Variants in ZNF16 observed in about 807,000 individuals in gnomAD.
The protein encoded by ZNF16 is zinc finger protein 16, also known as zinc finger protein KOX9.
Under a neutral mutation model 9.0 loss-of-function variants are expected in ZNF16, and 7 were observed. That is an observed-to-expected ratio of 0.78 (90% CI 0.44 to 1.47). ZNF16 has a LOEUF of 1.47. Ranked by LOEUF, ZNF16 falls within the 40% of genes most tolerant of loss-of-function variation. ZNF16 has a pLI of 0.01. For missense variants in ZNF16, 830 were observed against 854.2 expected (o/e 0.97, Z 0.35); for synonymous variants, 312 against 301.5 (o/e 1.03, Z -0.36).
At chr8:144,941,445 T>C (rs535935181) in intron 2 of ZNF16, among the ~76,000 whole-genome samples, 108 of 152,214 alleles carry the variant, frequency 7.1e-4, no homozygotes, top group Non-Finnish European at 1.2e-3. Context: ...TAAAGCCTCT[T>C]GTGGCATATA....
intron 1 of ZNF16, chr8:144,948,158 G>A (rs1834008810): frequency 6.6e-6 from 1 of 152,326 alleles, no homozygotes; most frequent in Non-Finnish European, 1.5e-5. Context: ...TCACCATCAA[G>A]GAGAAGGCAA....
Position 144,931,725 on chromosome 8 carries a change from A to G in ZNF16, c.1062T>C (p.Cys354=). The part of the protein sequence containing the change: ...SGEKPYVCSE[C]GKAFRRSSNL... ...TTGAGCTTCGCCTGAAGGCCTTCCCACACTCACTGCACACATACGGTTTCT... is the reference window on the plus strand; with the variant it reads ...TTGAGCTTCGCCTGAAGGCCTTCCCGCACTCACTGCACACATACGGTTTCT... The change falls in exon 3 of 3, where the codon TGT becomes TGC. Residue 354 remains cysteine, a synonymous_variant. Transcript: ENST00000394909. 1 of 1,614,082 alleles carries G rather than the reference A, an allele frequency of 6.2e-7. No individual in the cohort carries two copies. The highest frequency in any genetic ancestry group is 8.5e-7 in the Non-Finnish European group (1 of 1,179,958).
chr8:144,942,938 G>A (rs994395990), intron 2 of ZNF16, among the ~76,000 whole-genome samples: 1 of 152,108 alleles, frequency 6.6e-6, no homozygotes, highest in Non-Finnish European at 1.5e-5. Flanking sequence ...TTTTACTGGA[G>A]GTCTTTATTT....
Position 144,932,322 on chromosome 8 carries a change from A to G in ZNF16, c.465T>C (p.Cys155=). ...RGPLGEKDLD[C]NGFDSRFSLS... is the part of the protein sequence containing the mutation. ...GACTGAAGCGACTGTCAAAACCATT[A>G]CAGTCCAGATCTTTCTCCCCTAAGG... The change falls in exon 3 of 3, where the codon TGT becomes TGC. Residue 155 remains cysteine, a synonymous_variant. Coordinates refer to ENST00000394909, the MANE Select transcript of ZNF16 (RefSeq NM_006958.3). This position sits in a 1 kb window ranked among gnomAD's most constrained non-coding sequence, Gnocchi z 5.0. 6.2e-7 allele frequency: 1 copy of G among 1,614,138 alleles called. No homozygotes were observed. The highest frequency in any genetic ancestry group is 8.5e-7 in the Non-Finnish European group (1 of 1,180,038).
At chr8:144,934,503 C>G (rs1165421952) in intron 2 of ZNF16, among the ~76,000 whole-genome samples, 1 of 152,260 alleles carries the variant, frequency 6.6e-6, no homozygotes, top group African/African-American at 2.4e-5. Flanking sequence ...AGCCCCAGCC[C>G]TGGCTCCAGA....
intron 1 of ZNF16, 34 bp from the exon 2 acceptor site, chr8:144,946,249 G>A (rs1356623347): frequency 3.1e-5 from 45 of 1,472,766 alleles, no homozygotes; most frequent in Non-Finnish European, 4.0e-5. Context: ...TGAGTCTACA[G>A]ACAGGCTAGC....
chr8:144,931,572 A>G lies in ZNF16; in HGVS notation c.1215T>C (p.Tyr405=), dbSNP rs1481729495. ...AGGGCTTGCCACAATCATTACACTC[A>G]TAAGGCTTCTCTCCAGTGTGGACCC... ...HQRVHTGEKP[Y]ECNDCGKPFS... is the part of the protein sequence containing the mutation. Residue 405 remains tyrosine, a synonymous_variant, in exon 3 of 3, where the codon TAT becomes TAC. Coordinates refer to ENST00000394909, the MANE Select transcript of ZNF16 (RefSeq NM_006958.3). 3 of 1,613,924 alleles carry G rather than the reference A, an allele frequency of 1.9e-6. No homozygotes were observed. The highest frequency in any genetic ancestry group is 4.5e-5 in the East Asian group (2 of 44,842).
intron 1 of ZNF16, chr8:144,948,343 C>T (rs1834013428): frequency 6.6e-6 from 1 of 152,170 alleles, no homozygotes; most frequent in Non-Finnish European, 1.5e-5. Context: ...AGATTCAAAG[C>T]AGGTACAGCA....
rs1586958075 is a variant in ZNF16, at chr8:144,944,589, CCAA to C, written c.196+1419_196+1421del. On this transcript the variant is annotated intron_variant, in intron 2 of 2. Transcript: ENST00000394909. ...ATTTGAAGTTTTTGTCTACTTAAGT[CCAA>C]TGTCTGTGCTTTCTCCAGGACACTT... 5 of 152,368 alleles carry C rather than the reference CCAA, an allele frequency of 3.3e-5. No individual in the cohort carries two copies. The East Asian group carries it at 9.6e-4, about 29-fold the overall frequency. 9.4% of individuals were successfully genotyped at this position (152,368 alleles called of 1,614,324 possible).
intron 2 of ZNF16, among the ~76,000 whole-genome samples, chr8:144,935,243 C>A (rs1236486900): frequency 6.6e-6 from 1 of 151,958 alleles, no homozygotes; most frequent in Non-Finnish European, 1.5e-5. Context: ...GCTCTTATAG[C>A]CCAGGCTCGA....
chr8:144,932,118 G>T lies in ZNF16; in HGVS notation c.669C>A (p.Asp223Glu). The T allele has an allele frequency of 1.2e-6, 2 of 1,614,150 alleles. No homozygotes were observed. Among genetic ancestry groups the T allele is most frequent in the Non-Finnish European group, 1.7e-6 (2 of 1,180,028 alleles). The change falls in exon 3 of 3, where the codon GAC becomes GAA. Residue 223 changes from aspartate (D) to glutamate (E), a missense_variant. By Grantham distance (45) the Asp-to-Glu change is conservative. Transcript: ENST00000394909. This position sits in a 1 kb window ranked among gnomAD's most constrained non-coding sequence, Gnocchi z 5.0. ...TGTGGACTATTTGACGCTGAATAAGGTCAGGATTTCCTTGGAAGGTTTTCC... is the reference window on the plus strand; with the variant it reads ...TGTGGACTATTTGACGCTGAATAAGTTCAGGATTTCCTTGGAAGGTTTTCC... ...ECGKTFQGNP[D>E]LIQRQIVHTG...
intron 1 of ZNF16, among the ~76,000 whole-genome samples, chr8:144,947,493 G>C (rs1316476030): frequency 1.3e-5 from 2 of 152,176 alleles, no homozygotes; most frequent in Admixed American, 6.5e-5. Flanking sequence ...TGGGAGAACA[G>C]CAGCTCCAAA....
chr8:144,943,166 A>G (rs1833844610), intron 2 of ZNF16, among the ~76,000 whole-genome samples: 1 of 152,214 alleles, frequency 6.6e-6, no homozygotes, highest in Non-Finnish European at 1.5e-5. Context: ...AGTTTAACTA[A>G]GCCGTCCCAC....
chr8:144,946,540 G>GTGTCCTGCTGTGGGCC (rs2130054453), intron 1 of ZNF16, among the ~76,000 whole-genome samples: 1 of 125,570 alleles, frequency 8.0e-6, no homozygotes, highest in African/African-American at 3.0e-5. Context: ...TGTGGGGCCT[G>GTGTCCTGCTGTGGGCC]TGTACTGCTG....
chr8:144,946,514 A>AG (rs1418870306), intron 1 of ZNF16, among the ~76,000 whole-genome samples: 21 of 148,916 alleles, frequency 1.4e-4, no homozygotes, highest in African/African-American at 4.8e-4. Context: ...CAGCCCCCAC[A>AG]GGGTCTGTGT....
intron 1 of ZNF16, among the ~76,000 whole-genome samples, chr8:144,947,131 G>T (rs189301726): frequency 2.4e-5 from 3 of 127,120 alleles, no homozygotes; most frequent in East Asian, 2.3e-4. Flanking sequence ...CCTGTACCCT[G>T]CTGTGGGCCA....
Position 144,932,201 on chromosome 8 carries a change from GGT to G in ZNF16, c.584_585del (p.Asp195AlafsTer5), listed in dbSNP as rs752590799. On this transcript the variant is annotated frameshift_variant, in exon 3 of 3. Transcript: ENST00000394909. LOFTEE classifies it low-confidence loss of function (END_TRUNC). This position sits in a 1 kb window ranked among gnomAD's most constrained non-coding sequence, Gnocchi z 5.0. ...MGGQSFQHSV[D>X]LTGHEGVPTA... is the part of the protein sequence containing the mutation. ...GTGGGAACCCCCTCATGACCAGTTA[GGT>G]CCACACTGTGCTGGAAACTCTGGCC... is the stretch of plus-strand genomic sequence containing the variant. 2 of 1,614,174 alleles carry G rather than the reference GGT, an allele frequency of 1.2e-6. No homozygotes were observed. The highest frequency in any genetic ancestry group is 8.5e-7 in the Non-Finnish European group (1 of 1,180,016).
Position 144,931,130 on chromosome 8 carries a change from T to C in ZNF16, c.1657A>G (p.Thr553Ala), listed in dbSNP as rs866074370. 6.2e-6 allele frequency: 10 copies of C among 1,613,964 alleles called. No individual in the cohort carries two copies. The highest frequency in any genetic ancestry group is 8.5e-6 in the Non-Finnish European group (10 of 1,179,974). ...ATGAGGGTTGAGCTCTGGCTGAAGG[T>C]TTTTCCACATTCAGTACATTCATAG... ...KPYECTECGK[T>A]FSQSSTLIQH... Residue 553 changes from threonine to alanine, a missense_variant, in exon 3 of 3, where the codon ACC (threonine) becomes GCC (alanine). Thr to Ala is a moderately conservative substitution (Grantham distance 58). Coordinates refer to ENST00000394909, the MANE Select transcript of ZNF16 (RefSeq NM_006958.3).
chr8:144,946,449 T>C (rs1194116647), intron 1 of ZNF16, among the ~76,000 whole-genome samples: 1 of 151,826 alleles, frequency 6.6e-6, no homozygotes, highest in Non-Finnish European at 1.5e-5. Context: ...AGGGGCAAGA[T>C]GCTGACCCTA....
Sources: allele counts gnomAD v4.1 joint callset (sites outside exome capture counted in the v4.1 genomes callset), GRCh38; gene constraint gnomAD v4.1.1; non-coding constraint Gnocchi (gnomAD v3.1); transcripts MANE v1.5; gene names NCBI Gene and HGNC (gene_info 2026-07-23, HGNC 2026-07-21).